Variants in IL1RAPL2 observed in about 807,000 individuals in gnomAD.
IL1RAPL2 encodes interleukin 1 receptor accessory protein like 2, also known as X-linked interleukin-1 receptor accessory protein-like 2.
In IL1RAPL2, 3 loss-of-function variants were observed where a neutral mutation model predicts 44.1. The ratio of observed to expected loss-of-function variants is 0.07; its 90% CI spans 0.03 to 0.18. The LOEUF (loss-of-function observed/expected upper bound fraction) is 0.18. IL1RAPL2 is among the 10% of genes least tolerant of loss of function. The pLI, the probability that IL1RAPL2 is intolerant of heterozygous loss-of-function variation, is 1.00. For missense variants in IL1RAPL2, 391 were observed against 496.4 expected, an observed-to-expected ratio of 0.79 and a Z score of 2.02; for synonymous variants, 181 against 178.8, an observed-to-expected ratio of 1.01 and a Z score of -0.10.
chrX:104,797,151 A>C (rs1401000781), intron 2 of IL1RAPL2, among the ~76,000 whole-genome samples: 3 of 99,222 alleles, frequency 3.0e-5, no homozygotes, highest in African/African-American at 1.1e-4. Flanking sequence ...ACCATTTAGC[A>C]AATCCTGCTA....
chrX:105,585,836 T>C (rs2037124172), intron 6 of IL1RAPL2, among the ~76,000 whole-genome samples: 1 of 112,407 alleles, frequency 8.9e-6, no homozygotes, highest in South Asian at 3.7e-4. Flanking sequence ...TATGCATGTG[T>C]GTATCTTTAT....
intron 6 of IL1RAPL2, among the ~76,000 whole-genome samples, chrX:105,522,988 G>A (rs779773544): frequency 9.0e-6 from 1 of 111,239 alleles, no homozygotes; most frequent in South Asian, 3.8e-4. Flanking sequence ...GCTAGAAACA[G>A]CAGGACTTAG....
chrX:105,584,533 T>C (rs1189691846), intron 6 of IL1RAPL2, among the ~76,000 whole-genome samples: 1 of 46,523 alleles, frequency 2.1e-5, no homozygotes, highest in East Asian at 4.6e-4. Flanking sequence ...GTTGTTTCTG[T>C]TTTTTTTTTT....
At chrX:104,738,112 A>G (rs750693043) in intron 2 of IL1RAPL2, among the ~76,000 whole-genome samples, 6 of 112,307 alleles carry the variant, frequency 5.3e-5, no homozygotes, top group Non-Finnish European at 1.1e-4. Flanking sequence ...TAATGCTTCC[A>G]CAGTGCCTGG....
At chrX:104,751,288 T>G (rs1265284699) in intron 2 of IL1RAPL2, among the ~76,000 whole-genome samples, 2 of 111,673 alleles carry the variant, frequency 1.8e-5, no homozygotes, top group Admixed American at 9.5e-5. Flanking sequence ...GTGCTGGAAA[T>G]TCCACAGTGA....
chrX:104,674,916 T>C (rs1201271446), intron 2 of IL1RAPL2, among the ~76,000 whole-genome samples: 1 of 111,898 alleles, frequency 8.9e-6, no homozygotes, highest in Non-Finnish European at 1.9e-5. Context: ...CTGATGGTAG[T>C]TTGTATTTCT....
At chrX:105,309,731 C>CAAA (rs35442561) in intron 5 of IL1RAPL2, among the ~76,000 whole-genome samples, 5,510 of 94,667 alleles carry the variant, frequency 0.058, 441 homozygotes, top group African/African-American at 0.2. Flanking sequence ...GACTCTGTCT[C>CAAA]AAAAAAAAAA....
intron 2 of IL1RAPL2, among the ~76,000 whole-genome samples, chrX:105,173,893 TG>T (rs889463574): frequency 8.2e-5 from 9 of 110,353 alleles, no homozygotes; most frequent in African/African-American, 3.0e-4. Flanking sequence ...CCACCATGCC[TG>T]GCTAATTTTT....
chrX:105,270,716 T>C (rs2034440209), intron 5 of IL1RAPL2, among the ~76,000 whole-genome samples: 2 of 111,839 alleles, frequency 1.8e-5, no homozygotes, highest in South Asian at 7.3e-4. Flanking sequence ...ACTTATACCA[T>C]GCTTTGTATG....
At chrX:105,051,002 C>T (rs1347628173) in intron 2 of IL1RAPL2, among the ~76,000 whole-genome samples, 1 of 112,305 alleles carries the variant, frequency 8.9e-6, no homozygotes, top group Non-Finnish European at 1.9e-5. Context: ...AGAGGAAGTG[C>T]GTGCTGATTG....
At chrX:104,952,943 A>G (rs769081609) in intron 2 of IL1RAPL2, among the ~76,000 whole-genome samples, 3 of 112,272 alleles carry the variant, frequency 2.7e-5, no homozygotes, top group Non-Finnish European at 1.9e-5. Context: ...AGTGTGGACT[A>G]TGTTTTGATC....
intron 2 of IL1RAPL2, among the ~76,000 whole-genome samples, chrX:105,016,872 T>A (rs2031189156): frequency 1.8e-5 from 2 of 111,565 alleles, no homozygotes; most frequent in South Asian, 7.4e-4. Flanking sequence ...TTGTTTGGAA[T>A]AGTTTCAGAA....
At chrX:104,732,611 T>G (rs62589829) in intron 2 of IL1RAPL2, among the ~76,000 whole-genome samples, 37,430 of 110,578 alleles carry the variant, frequency 0.34, 5,493 homozygotes, top group East Asian at 0.47. Flanking sequence ...GTACCTACAT[T>G]AAAGAAATTG....
At chrX:105,611,087 C>T (rs2037332954) in intron 6 of IL1RAPL2, among the ~76,000 whole-genome samples, 1 of 110,652 alleles carries the variant, frequency 9.0e-6, no homozygotes, top group African/African-American at 3.3e-5. Flanking sequence ...TTTGTGTCTT[C>T]GTTTTTAACA....
Position 105,126,594 on chromosome X carries a change from T to G in IL1RAPL2, c.83-68881T>G, listed in dbSNP as rs1312338256. On this transcript the variant is annotated intron_variant, in intron 2 of 10. Coordinates refer to ENST00000372582, the MANE Select transcript of IL1RAPL2 (RefSeq NM_017416.2). Reference sequence around the variant, plus strand: ...TTATAAGTTCCAAGCTAGTTTCTTTTGTTAAGGATTAAATAAAATTTCCAT... The same window carrying G: ...TTATAAGTTCCAAGCTAGTTTCTTTGGTTAAGGATTAAATAAAATTTCCAT... Among the ~76,000 whole-genome samples the G allele has an allele frequency of 1.1e-4, 12 of 111,591 alleles. No homozygotes were observed. In the Admixed American group the frequency reaches 1.1e-3, roughly 11 times the overall value.
chrX:104,814,779 G>C (rs746216663), intron 2 of IL1RAPL2, among the ~76,000 whole-genome samples: 1 of 112,069 alleles, frequency 8.9e-6, no homozygotes, highest in Non-Finnish European at 1.9e-5. Context: ...ACAAGAATGC[G>C]CTTGCCTTAT....
At chrX:105,621,092 A>G (rs1335560869) in intron 6 of IL1RAPL2, among the ~76,000 whole-genome samples, 1 of 111,364 alleles carries the variant, frequency 9.0e-6, no homozygotes, top group Non-Finnish European at 1.9e-5. Context: ...TCAACATAAC[A>G]TCAACATATA....
intron 5 of IL1RAPL2, among the ~76,000 whole-genome samples, chrX:105,268,882 C>A (rs2034425659): frequency 9.3e-6 from 1 of 107,446 alleles, no homozygotes; most frequent in Admixed American, 1.0e-4. Context: ...ATTTGTTTGA[C>A]TGTGGTAATC....
At chrX:105,706,115 C>G (rs1359077058) in intron 6 of IL1RAPL2, among the ~76,000 whole-genome samples, 3 of 110,103 alleles carry the variant, frequency 2.7e-5, no homozygotes, top group African/African-American at 9.9e-5. Context: ...GTAGGGATGA[C>G]TGAGGAGACA....
Sources: gnomAD v4.1 joint callset for allele counts (sites outside exome capture counted in the v4.1 genomes callset) on GRCh38, gnomAD v4.1.1 for gene constraint, MANE v1.5 for transcripts, NCBI Gene and HGNC (gene_info 2026-07-23, HGNC 2026-07-21) for gene names.